GPC6: variants seen among roughly 807,000 people sequenced by gnomAD.
GPC6 encodes glypican-6.
In GPC6, 14 loss-of-function variants were observed where a neutral mutation model predicts 55.2. The observed-to-expected ratio is 0.25, with a 90% CI of 0.17 to 0.40. The LOEUF is 0.40. Ranked by LOEUF, GPC6 falls within the 10% of genes least tolerant of loss-of-function variation. GPC6 has a pLI of 1.00. For missense variants in GPC6, 641 were observed against 708.5 expected, an observed-to-expected ratio of 0.90 and a Z score of 1.08; for synonymous variants, 278 against 259.6, an observed-to-expected ratio of 1.07 and a Z score of -0.68.
chr13:93,957,184 C>G (rs980588119), intron 3 of GPC6, among the ~76,000 whole-genome samples: 3 of 152,076 alleles, frequency 2.0e-5, no homozygotes, highest in Non-Finnish European at 2.9e-5. Flanking sequence ...TAGTCATAAA[C>G]TATTTACTAT....
intron 1 of GPC6, among the ~76,000 whole-genome samples, chr13:93,236,932 G>T (rs1468720156): frequency 6.6e-6 from 1 of 152,124 alleles, no homozygotes; most frequent in African/African-American, 2.4e-5. Flanking sequence ...GTATTCCATA[G>T]TATATATATT....
At chr13:93,433,190 C>T (rs528262603) in intron 1 of GPC6, among the ~76,000 whole-genome samples, 2 of 152,112 alleles carry the variant, frequency 1.3e-5, no homozygotes, top group African/African-American at 4.8e-5. Context: ...TTGTGATGCA[C>T]CCTGACAAAC....
At chr13:93,822,812 A>G (rs962208098) in intron 2 of GPC6, among the ~76,000 whole-genome samples, 7 of 150,738 alleles carry the variant, frequency 4.6e-5, no homozygotes, top group Non-Finnish European at 7.4e-5. Context: ...TCCATGGTGT[A>G]TAAGTGCCAC....
chr13:93,604,320 A>G (rs569832484), intron 2 of GPC6, among the ~76,000 whole-genome samples: 8 of 152,172 alleles, frequency 5.3e-5, no homozygotes, highest in Non-Finnish European at 8.8e-5. Context: ...ACAGATAGCT[A>G]TTGAGCTTCT....
intron 3 of GPC6, among the ~76,000 whole-genome samples, chr13:94,014,952 G>T (rs1882401427): frequency 6.6e-6 from 1 of 152,138 alleles, no homozygotes; most frequent in African/African-American, 2.4e-5. Flanking sequence ...GAGAATATTT[G>T]GATTGTTTCC....
chr13:94,407,614 A>G lies in GPC6; in HGVS notation c.*4397A>G, dbSNP rs943773208. Among the ~76,000 whole-genome samples the G allele has an allele frequency of 6.6e-6, 1 of 152,184 alleles. No homozygotes were observed. Among genetic ancestry groups the G allele is most frequent in the African/African-American group, 2.4e-5 (1 of 41,466 alleles). ...AACATTTAGAGCTTCCCAAATGTGT[A>G]TGGAAAATACTGTAGCGCTGTTCTT... On this transcript the variant is annotated 3_prime_UTR_variant, in exon 9 of 9. Coordinates refer to ENST00000377047, the MANE Select transcript of GPC6 (RefSeq NM_005708.5).
intron 1 of GPC6, among the ~76,000 whole-genome samples, chr13:93,335,216 A>G (rs1053263101): frequency 6.6e-6 from 1 of 152,218 alleles, no homozygotes; most frequent in Non-Finnish European, 1.5e-5. Flanking sequence ...ATGCCGTAAA[A>G]ATACCTGTTA....
At chr13:93,256,280 CAG>C (rs1876951051) in intron 1 of GPC6, among the ~76,000 whole-genome samples, 2 of 149,562 alleles carry the variant, frequency 1.3e-5, no homozygotes, top group African/African-American at 4.9e-5. Flanking sequence ...AAAAATAAGA[CAG>C]AAAGTAATGA....
chr13:93,227,650 G>T lies in GPC6; in HGVS notation c.160+34G>T. 6.5e-7 allele frequency: 1 copy of T among 1,537,628 alleles called. No homozygotes were observed. Among genetic ancestry groups the T allele is most frequent in the Non-Finnish European group, 8.8e-7 (1 of 1,139,888 alleles). On this transcript the variant is annotated intron_variant, in intron 1 of 8. Transcript: ENST00000377047. This position sits in a 1 kb window ranked among gnomAD's most constrained non-coding sequence, Gnocchi z 4.3. ...GGGCGCGCTGCAGGGGCAGGCTGCA[G>T]CCCTCGGCTGCCGCACGTCCCACTG...
At chr13:93,904,934 A>T (rs1285379342) in intron 3 of GPC6, among the ~76,000 whole-genome samples, 1 of 54,230 alleles carries the variant, frequency 1.8e-5, no homozygotes, top group African/African-American at 7.5e-5. Flanking sequence ...CCCTCCCCCC[A>T]CCCCACAACA....
intron 3 of GPC6, among the ~76,000 whole-genome samples, chr13:93,979,754 A>G (rs1880704540): frequency 6.6e-6 from 1 of 152,134 alleles, no homozygotes; most frequent in Non-Finnish European, 1.5e-5. Flanking sequence ...AAATTTTAAT[A>G]GCTGCCTCGT....
chr13:93,671,046 C>T (rs972435669), intron 2 of GPC6, among the ~76,000 whole-genome samples: 3 of 152,172 alleles, frequency 2.0e-5, no homozygotes, highest in African/African-American at 4.8e-5. Context: ...AAGCCATCTG[C>T]TTAATGTCTC....
intron 6 of GPC6, among the ~76,000 whole-genome samples, chr13:94,331,525 A>G (rs1386848504): frequency 6.6e-6 from 1 of 152,120 alleles, no homozygotes; most frequent in Non-Finnish European, 1.5e-5. Context: ...AGTCAGGCAG[A>G]GGGCCCAGAA....
intron 1 of GPC6, among the ~76,000 whole-genome samples, chr13:93,256,609 A>G (rs553632662): frequency 6.6e-6 from 1 of 152,314 alleles, no homozygotes; most frequent in Admixed American, 6.5e-5. Context: ...AATGGTGACA[A>G]TGACCTAGGC....
At chr13:94,365,592 A>G (rs1400888195) in intron 6 of GPC6, among the ~76,000 whole-genome samples, 1 of 152,210 alleles carries the variant, frequency 6.6e-6, no homozygotes, top group Non-Finnish European at 1.5e-5. Flanking sequence ...ATTTATGGCA[A>G]TCCGTCTCTA....
At chr13:93,597,024 A>AG (rs1877784197) in intron 2 of GPC6, among the ~76,000 whole-genome samples, 2 of 144,564 alleles carry the variant, frequency 1.4e-5, no homozygotes, top group African/African-American at 2.8e-5. Context: ...AAAAAAAAAA[A>AG]AAAAAAGAAA....
intron 4 of GPC6, among the ~76,000 whole-genome samples, chr13:94,039,365 T>G (rs1883451992): frequency 6.6e-6 from 1 of 151,874 alleles, no homozygotes; most frequent in Admixed American, 6.6e-5. Context: ...AGATAGGTCA[T>G]CTAAGCATGG....
At chr13:93,522,778 A>G (rs1881471531) in intron 1 of GPC6, among the ~76,000 whole-genome samples, 1 of 151,938 alleles carries the variant, frequency 6.6e-6, no homozygotes, top group Non-Finnish European at 1.5e-5. Context: ...TGGCTATCAA[A>G]TTCAAACTTA....
intron 2 of GPC6, among the ~76,000 whole-genome samples, chr13:93,787,030 G>C (rs1885835750): frequency 6.6e-6 from 1 of 152,124 alleles, no homozygotes; most frequent in African/African-American, 2.4e-5. Flanking sequence ...TTTCAAGTCT[G>C]AAAACATCAA....
Sources: gnomAD v4.1 joint callset for allele counts (sites outside exome capture counted in the v4.1 genomes callset) on GRCh38, gnomAD v4.1.1 for gene constraint, Gnocchi (gnomAD v3.1) non-coding constraint, MANE v1.5 for transcripts, NCBI Gene and HGNC (gene_info 2026-07-23, HGNC 2026-07-21) for gene names.